Variants in PTPRD observed in about 807,000 individuals in gnomAD.
PTPRD encodes protein tyrosine phosphatase receptor type D.
PTPRD carries 34 observed loss-of-function variants against 214.5 expected under a neutral mutation model. The ratio of observed to expected loss-of-function variants is 0.16; its 90% CI spans 0.12 to 0.21. PTPRD has a LOEUF of 0.21. Among genes scored for constraint, PTPRD ranks in the 10% least tolerant of loss-of-function variants. The pLI, the probability that PTPRD is intolerant of heterozygous loss-of-function variation, is 1.00. For missense variants in PTPRD, 2,545 were observed against 2,398.7 expected (o/e 1.06, Z -1.27); for synonymous variants, 1,128 against 845.7 (o/e 1.33, Z -5.79).
chr9:10,337,511 A>G (rs979287521), intron 3 of PTPRD, among the ~76,000 whole-genome samples: 41 of 151,726 alleles, frequency 2.7e-4, no homozygotes, highest in African/African-American at 9.4e-4. Context: ...ATTTTAACAT[A>G]TGGAGGTTGT....
intron 3 of PTPRD, among the ~76,000 whole-genome samples, chr9:10,188,090 A>C (rs1448005825): frequency 6.6e-6 from 1 of 152,198 alleles, no homozygotes; most frequent in Non-Finnish European, 1.5e-5. Flanking sequence ...ATTATTTAAC[A>C]TTATTTCGAA....
intron 12 of PTPRD, among the ~76,000 whole-genome samples, chr9:8,644,826 G>A (rs1173595966): frequency 1.3e-5 from 2 of 152,196 alleles, no homozygotes; most frequent in African/African-American, 4.8e-5. Flanking sequence ...TTCCATGCCT[G>A]ACTCGCAGTC....
chr9:9,493,630 T>C (rs1172110868), intron 8 of PTPRD, among the ~76,000 whole-genome samples: 1 of 151,144 alleles, frequency 6.6e-6, no homozygotes, highest in South Asian at 2.1e-4. Flanking sequence ...CTACTAAACA[T>C]ACAAAAAATT....
chr9:10,079,682 G>A (rs2098200468), intron 3 of PTPRD, among the ~76,000 whole-genome samples: 2 of 152,092 alleles, frequency 1.3e-5, no homozygotes, highest in Non-Finnish European at 2.9e-5. Context: ...TAAACCCCAA[G>A]ATCTTTCACA....
chr9:10,460,598 G>A lies in PTPRD; in HGVS notation c.-599-119581C>T, dbSNP rs1420413615. On this transcript the variant is annotated intron_variant, in intron 2 of 45. Coordinates refer to ENST00000381196, the MANE Select transcript of PTPRD (RefSeq NM_002839.4). ...TATACAGTCAACTAATTTTTGACAAGGGCACCAAAAATACACATGAGGAAA... is the reference window on the plus strand; with the variant it reads ...TATACAGTCAACTAATTTTTGACAAAGGCACCAAAAATACACATGAGGAAA... Among the ~76,000 whole-genome samples the A allele has an allele frequency of 2.0e-5, 3 of 152,100 alleles. No individual in the cohort carries two copies. In the Middle Eastern group the frequency reaches 0.01, roughly 517 times the overall value.
intron 30 of PTPRD, among the ~76,000 whole-genome samples, chr9:8,477,585 G>A (rs1383450690): frequency 6.6e-6 from 1 of 152,158 alleles, no homozygotes; most frequent in Non-Finnish European, 1.5e-5. Context: ...CCGTCTAGGA[G>A]TTTAATGATG....
intron 2 of PTPRD, among the ~76,000 whole-genome samples, chr9:10,516,448 G>A (rs2050143376): frequency 6.6e-6 from 1 of 151,828 alleles, no homozygotes; most frequent in East Asian, 1.9e-4. Context: ...AGCTGTAGGA[G>A]TTCCTTATGT....
In PTPRD at chr9:8,518,270, G is replaced by C; in HGVS notation, c.1121C>G (p.Ala374Gly). The change falls in exon 21 of 46, where the codon GCG becomes GGG. Residue 374 changes from alanine to glycine, a missense_variant. Coordinates refer to ENST00000381196, the MANE Select transcript of PTPRD (RefSeq NM_002839.4). ...TCCAGCGACACTGTAGCGTGTGGTC[G>C]CCACCCCATCAATTTCTTTGTAAAG... The part of the protein sequence containing the change: ...EELYKEIDGV[A>G]TTRYSVAGLS... 6.2e-7 allele frequency: 1 copy of C among 1,614,110 alleles called. No homozygotes were observed. The highest frequency in any genetic ancestry group is 8.5e-7 in the Non-Finnish European group (1 of 1,180,006).
At chr9:8,520,416 T>C (rs889187642) in intron 20 of PTPRD, among the ~76,000 whole-genome samples, 2 of 152,152 alleles carry the variant, frequency 1.3e-5, no homozygotes, top group Admixed American at 6.5e-5. Flanking sequence ...CCCCCTAGAA[T>C]GGCAGCTTTT....
At chr9:9,091,629 G>A (rs2099776097) in intron 10 of PTPRD, among the ~76,000 whole-genome samples, 1 of 152,294 alleles carries the variant, frequency 6.6e-6, no homozygotes. Flanking sequence ...TTTGTGGAAT[G>A]AGAAGTAAGT....
At chr9:8,398,818 A>T (rs992955574) in intron 36 of PTPRD, among the ~76,000 whole-genome samples, 1 of 152,168 alleles carries the variant, frequency 6.6e-6, no homozygotes, top group African/African-American at 2.4e-5. Flanking sequence ...TAGACTTCCC[A>T]GACTCTAGAA....
intron 32 of PTPRD, 45 bp downstream of exon 32, chr9:8,465,421 G>T: frequency 6.5e-7 from 1 of 1,546,620 alleles, no homozygotes; most frequent in Non-Finnish European, 8.9e-7. Flanking sequence ...CAGTGAAAAT[G>T]TATAAGCGTA....
At chr9:9,319,427 A>G (rs1965239034) in intron 9 of PTPRD, among the ~76,000 whole-genome samples, 1 of 152,308 alleles carries the variant, frequency 6.6e-6, no homozygotes, top group Non-Finnish European at 1.5e-5. Context: ...GGCCAAAGAT[A>G]AAAATAAAAG....
intron 3 of PTPRD, among the ~76,000 whole-genome samples, chr9:10,128,818 T>C (rs983407339): frequency 6.6e-6 from 1 of 152,130 alleles, no homozygotes; most frequent in African/African-American, 2.4e-5. Context: ...AAACACTTAA[T>C]AGTACTTAAT....
chr9:8,357,038 C>A (rs1012293674), intron 39 of PTPRD, among the ~76,000 whole-genome samples: 1 of 152,230 alleles, frequency 6.6e-6, no homozygotes, highest in Non-Finnish European at 1.5e-5. Context: ...GGTATTTATT[C>A]TGCTGACGGA....
intron 3 of PTPRD, among the ~76,000 whole-genome samples, chr9:10,306,544 G>C (rs2096075137): frequency 6.6e-6 from 1 of 151,950 alleles, no homozygotes; most frequent in Non-Finnish European, 1.5e-5. Context: ...ACAATATATA[G>C]AAACTAAGGT....
intron 2 of PTPRD, among the ~76,000 whole-genome samples, chr9:10,507,702 G>A (rs1252719651): frequency 6.6e-6 from 1 of 152,160 alleles, no homozygotes; most frequent in Non-Finnish European, 1.5e-5. Flanking sequence ...ATGGGGAAAG[G>A]AGTCGCTATT....
intron 5 of PTPRD, among the ~76,000 whole-genome samples, chr9:9,817,772 C>G (rs772971867): frequency 3.9e-5 from 6 of 152,170 alleles, no homozygotes; most frequent in Non-Finnish European, 8.8e-5. Flanking sequence ...GAAAGCACAT[C>G]AGATGCTTTA....
intron 2 of PTPRD, among the ~76,000 whole-genome samples, chr9:10,453,874 T>C (rs188028804): frequency 4.0e-5 from 6 of 151,786 alleles, no homozygotes; most frequent in Admixed American, 3.9e-4. Flanking sequence ...TGTCTTCTTC[T>C]AGATATTAGA....
Sources: allele counts gnomAD v4.1 joint callset (sites outside exome capture counted in the v4.1 genomes callset), GRCh38; gene constraint gnomAD v4.1.1; transcripts MANE v1.5; gene names NCBI Gene and HGNC (gene_info 2026-07-23, HGNC 2026-07-21).